Variants in RPF2 observed in about 807,000 individuals in gnomAD.
The protein encoded by RPF2 is ribosome production factor 2 homolog, also known as brix domain containing 1.
Under a neutral mutation model 38.9 loss-of-function variants are expected in RPF2, and 21 were observed. The observed-to-expected ratio is 0.54, with a 90% CI of 0.38 to 0.78. The LOEUF (loss-of-function observed/expected upper bound fraction) is 0.78. RPF2 is among the 30% of genes least tolerant of loss of function. The probability of loss-of-function intolerance (pLI) is 0.00; values close to 1 mark genes in which losing one functional copy is unlikely to be tolerated. For missense variants in RPF2, 314 were observed against 358.1 expected (o/e 0.88, Z 0.99); for synonymous variants, 121 against 126.2 (o/e 0.96, Z 0.28).
At chr6:110,996,813 T>G (rs1021361754) in intron 4 of RPF2, among the ~76,000 whole-genome samples, 5 of 151,946 alleles carry the variant, frequency 3.3e-5, no homozygotes, top group Non-Finnish European at 7.4e-5. Context: ...TTTTGTTTTG[T>G]TTTTTTTAGA....
At chr6:111,015,919 G>C (rs1334477264) in intron 8 of RPF2, 63 bp downstream of exon 8, 3 of 1,224,948 alleles carry the variant, frequency 2.4e-6, no homozygotes. Context: ...CTGTGTGACT[G>C]TTTTTTAGAG....
At position 110,997,311 on chromosome 6, in the gene RPF2, G is replaced by A. The variant is rs369756856; in HGVS notation, c.316+47G>A. 383 of 1,154,312 alleles carry A rather than the reference G, an allele frequency of 3.3e-4. 2 individuals carry two copies. Among genetic ancestry groups the A allele is most frequent in the Middle Eastern group, 2.7e-4 (1 of 3,736 alleles). 71.5% of individuals were successfully genotyped at this position (1,154,312 alleles called of 1,614,324 possible). A position where few individuals can be genotyped will look rare whatever the true frequency, so the allele number is the denominator to read the frequency against. ...ATGTTTTCACTGATAGAGTCAATTTGTTAGCAGCAGCGAATTCATACGGGT... is the reference window on the plus strand; with the variant it reads ...ATGTTTTCACTGATAGAGTCAATTTATTAGCAGCAGCGAATTCATACGGGT... On this transcript the variant is annotated intron_variant, in intron 5 of 9. Transcript: ENST00000441448.
intron 5 of RPF2, 63 bp downstream of exon 5, chr6:110,997,327 T>C: frequency 1.0e-6 from 1 of 954,076 alleles, no homozygotes; most frequent in Non-Finnish European, 1.7e-6. Context: ...AGCAGCGAAT[T>C]CATACGGGTC....
At position 110,983,178 on chromosome 6, in the gene RPF2, A is replaced by G. The variant is rs140933011; in HGVS notation, c.23+1049A>G. 4.6e-3 allele frequency among the ~76,000 whole-genome samples: 703 copies of G among 152,318 alleles called. 5 individuals are homozygous for G. Among genetic ancestry groups the G allele is most frequent in the Middle Eastern group, 0.02 (6 of 294 alleles). ...GTAGATGGCAGAGAACTGTCTGAAAAGCAAGGTGCTCATTGTAGAGGAAGC... is the reference window on the plus strand; with the variant it reads ...GTAGATGGCAGAGAACTGTCTGAAAGGCAAGGTGCTCATTGTAGAGGAAGC... On this transcript the variant is annotated intron_variant, in intron 1 of 9. Transcript: ENST00000441448.
chr6:110,987,132 A>G (rs749253457), intron 2 of RPF2, among the ~76,000 whole-genome samples: 11 of 151,952 alleles, frequency 7.2e-5, no homozygotes, highest in Admixed American at 3.3e-4. Flanking sequence ...CAGTGGTGCC[A>G]TCTTGGCTTA....
At chr6:111,000,229 C>T (rs1771790812) in intron 6 of RPF2, among the ~76,000 whole-genome samples, 1 of 152,156 alleles carries the variant, frequency 6.6e-6, no homozygotes, top group Non-Finnish European at 1.5e-5. Flanking sequence ...CCTCAACCCC[C>T]AAGTAGCTGG....
rs746470504 is a variant in RPF2 at position 110,982,079 on chromosome 6, T to G, written c.-28T>G. On this transcript the variant is annotated 5_prime_UTR_variant, in exon 1 of 10. Coordinates refer to ENST00000441448, the MANE Select transcript of RPF2 (RefSeq NM_032194.3). ...TCGCCGAGGGCACGTGCATGCCCCC[T>G]GGTTAAGAGTTGCAGGTAGCGGTAG... The G allele has an allele frequency of 3.1e-6, 5 of 1,613,950 alleles. No homozygotes were observed. In the South Asian group the frequency reaches 5.5e-5, roughly 18 times the overall value.
chr6:110,984,901 C>A, intron 1 of RPF2, 105 bp from the exon 2 acceptor site: 6 of 1,228,870 alleles, frequency 4.9e-6, no homozygotes, highest in South Asian at 3.2e-5. Flanking sequence ...AGGGTGGAAC[C>A]CTAAGTGACA....
chr6:111,005,782 C>G (rs1440201102), intron 6 of RPF2, among the ~76,000 whole-genome samples: 1 of 152,058 alleles, frequency 6.6e-6, no homozygotes, highest in East Asian at 1.9e-4. Flanking sequence ...AGATGTGCAC[C>G]ACCACACCTG....
intron 1 of RPF2, 137 bp downstream of exon 1, chr6:110,982,266 G>A: frequency 1.0e-6 from 1 of 972,292 alleles, no homozygotes; most frequent in Non-Finnish European, 1.6e-6. Context: ...TCACCAGCCC[G>A]GGTCCTCCTC....
Position 111,016,614 on chromosome 6 carries a change from C to A in RPF2, c.596+758C>A, listed in dbSNP as rs1175634608. 4.9e-5 allele frequency among the ~76,000 whole-genome samples: 7 copies of A among 142,940 alleles called. No homozygotes were observed. In the East Asian group the frequency reaches 1.0e-3, roughly 21 times the overall value. 93.8% of individuals were successfully genotyped at this position (142,940 alleles called of 152,430 possible). The stretch of plus-strand genomic sequence containing the variant: ...CGCTGAAAAAACAAAAAACAAAAAA[C>A]TCTTAAGCAGATTCTATGTTTATTA... On this transcript the variant is annotated intron_variant, in intron 8 of 9. Coordinates refer to ENST00000441448, the MANE Select transcript of RPF2 (RefSeq NM_032194.3).
chr6:111,013,536 T>C (rs922131749), intron 7 of RPF2, among the ~76,000 whole-genome samples: 1 of 152,258 alleles, frequency 6.6e-6, no homozygotes, highest in East Asian at 1.9e-4. Flanking sequence ...AAAATCCTTT[T>C]ATATTCATAG....
At chr6:111,007,578 A>G (rs749911385) in intron 6 of RPF2, among the ~76,000 whole-genome samples, 9 of 152,152 alleles carry the variant, frequency 5.9e-5, no homozygotes, top group Non-Finnish European at 1.2e-4. Flanking sequence ...CTCTAATATC[A>G]GTATTCACAG....
At chr6:110,998,827 C>A (rs1771763955) in intron 5 of RPF2, among the ~76,000 whole-genome samples, 1 of 151,900 alleles carries the variant, frequency 6.6e-6, no homozygotes, top group African/African-American at 2.4e-5. Context: ...CACCTGTAAT[C>A]CTAGTTACAC....
At chr6:111,018,310 C>T (rs1303168727) in intron 8 of RPF2, among the ~76,000 whole-genome samples, 1 of 152,056 alleles carries the variant, frequency 6.6e-6, no homozygotes, top group Non-Finnish European at 1.5e-5. Flanking sequence ...GCTGACAGAG[C>T]CCACAGTTTC....
intron 4 of RPF2, among the ~76,000 whole-genome samples, chr6:110,992,183 G>T: frequency 6.6e-6 from 1 of 152,038 alleles, no homozygotes. Context: ...GATGGCACAT[G>T]CCTGTAATCC....
intron 1 of RPF2, among the ~76,000 whole-genome samples, chr6:110,983,811 C>T (rs1023392150): frequency 3.3e-5 from 5 of 151,396 alleles, no homozygotes; most frequent in Admixed American, 6.6e-5. Context: ...GGGTGGGTCA[C>T]GAGGTCAGGA....
At chr6:111,016,683 C>CTTTTTTTTTTTTT (rs1397812113) in intron 8 of RPF2, among the ~76,000 whole-genome samples, 10 of 105,926 alleles carry the variant, frequency 9.4e-5, no homozygotes, top group South Asian at 6.0e-4. Flanking sequence ...TTTTTTTTTT[C>CTTTTTTTTTTTTT]TTTCTTTTTT....
chr6:111,002,135 C>G (rs1333222526), intron 6 of RPF2, among the ~76,000 whole-genome samples: 1 of 152,084 alleles, frequency 6.6e-6, no homozygotes, highest in Non-Finnish European at 1.5e-5. Flanking sequence ...CAAAAATTAG[C>G]CAGGCATGGT....
Sources: gnomAD v4.1 joint callset for allele counts (sites outside exome capture counted in the v4.1 genomes callset) on GRCh38, gnomAD v4.1.1 for gene constraint, MANE v1.5 for transcripts, NCBI Gene and HGNC (gene_info 2026-07-23, HGNC 2026-07-21) for gene names.